The following FMNL2 variants were observed in gnomAD, a reference collection of about 807,000 sequenced individuals.
FMNL2 encodes the protein formin like 2.
A neutral mutation model predicts 130.2 loss-of-function variants in FMNL2; 51 were observed. The observed-to-expected ratio is 0.39, with a 90% CI of 0.31 to 0.49. The LOEUF (loss-of-function observed/expected upper bound fraction) is 0.49, where lower values mean the gene tolerates loss of function less well. Ranked by LOEUF, FMNL2 falls within the 20% of genes least tolerant of loss-of-function variation. The probability of loss-of-function intolerance (pLI) is 0.85; values close to 1 mark genes in which losing one functional copy is unlikely to be tolerated. For synonymous variants in FMNL2, 465 were observed against 467.1 expected, an observed-to-expected ratio of 1.00 and a Z score of 0.06; for missense variants, 977 against 1,316.2, an observed-to-expected ratio of 0.74 and a Z score of 3.99.
intron 1 of FMNL2, among the ~76,000 whole-genome samples, chr2:152,469,968 A>T (rs1689767148): frequency 6.6e-6 from 1 of 152,174 alleles, no homozygotes; most frequent in Non-Finnish European, 1.5e-5. Flanking sequence ...CACTGCATTT[A>T]TTAATGAGGG....
chr2:152,639,513 G>A (rs1224775211), intron 23 of FMNL2, among the ~76,000 whole-genome samples: 1 of 152,192 alleles, frequency 6.6e-6, no homozygotes, highest in African/African-American at 2.4e-5. Context: ...GTCCAAGAGT[G>A]TCACTCTGGT....
At chr2:152,480,712 T>A (rs1051756523) in intron 1 of FMNL2, among the ~76,000 whole-genome samples, 5 of 146,458 alleles carry the variant, frequency 3.4e-5, no homozygotes, top group Non-Finnish European at 7.5e-5. Flanking sequence ...ACTTTGGGGA[T>A]AATGCCCATC....
chr2:152,504,262 T>TC (rs1446950581), intron 1 of FMNL2, among the ~76,000 whole-genome samples: 2 of 151,874 alleles, frequency 1.3e-5, no homozygotes, highest in Non-Finnish European at 1.5e-5. Context: ...GGGAGGCTTT[T>TC]TTTTTTTTCT....
chr2:152,358,960 G>T (rs890188417), intron 1 of FMNL2, among the ~76,000 whole-genome samples: 5 of 150,690 alleles, frequency 3.3e-5, no homozygotes, highest in African/African-American at 7.4e-5. Flanking sequence ...CCTTGATGAA[G>T]TTGGTGTTAG....
In FMNL2 at chr2:152,581,060, C is replaced by T; in HGVS notation, c.876+11C>T. ...GATAACTTTAAAGAGGTAGGCTACA[C>T]TATAGTTTTCATAAGAATACTCACA... On this transcript the variant is annotated intron_variant, in intron 9 of 25. Transcript: ENST00000288670. 1 of 1,608,456 alleles carries T rather than the reference C, an allele frequency of 6.2e-7. No homozygotes were observed. Among genetic ancestry groups the T allele is most frequent in the Non-Finnish European group, 8.5e-7 (1 of 1,176,210 alleles).
At chr2:152,443,512 G>A (rs1352157834) in intron 1 of FMNL2, among the ~76,000 whole-genome samples, 2 of 152,136 alleles carry the variant, frequency 1.3e-5, no homozygotes, top group Non-Finnish European at 2.9e-5. Context: ...AGTGTACAGT[G>A]CTATTGTGGA....
intron 1 of FMNL2, among the ~76,000 whole-genome samples, chr2:152,356,054 T>G (rs1484328835): frequency 6.6e-6 from 1 of 152,256 alleles, no homozygotes; most frequent in Non-Finnish European, 1.5e-5. Flanking sequence ...AATGGCACTA[T>G]AATCCATATG....
chr2:152,635,078 GAGA>G (rs1052677110), intron 21 of FMNL2, among the ~76,000 whole-genome samples: 1 of 152,106 alleles, frequency 6.6e-6, no homozygotes, highest in African/African-American at 2.4e-5. Context: ...TGTAGAAGAG[GAGA>G]AGATGACACT....
intron 1 of FMNL2, among the ~76,000 whole-genome samples, chr2:152,336,281 C>G (rs959277203): frequency 1.2e-4 from 18 of 152,046 alleles, no homozygotes; most frequent in African/African-American, 4.3e-4. Context: ...GGGGAGCTTC[C>G]CCGAAAGGGA....
intron 6 of FMNL2, among the ~76,000 whole-genome samples, chr2:152,561,661 C>T (rs1470842528): frequency 6.6e-6 from 1 of 151,794 alleles, no homozygotes; most frequent in Non-Finnish European, 1.5e-5. Context: ...GCACCCTCCA[C>T]CTCCCAGGCT....
At chr2:152,358,267 T>C (rs1284594750) in intron 1 of FMNL2, among the ~76,000 whole-genome samples, 1 of 152,158 alleles carries the variant, frequency 6.6e-6, no homozygotes, top group East Asian at 1.9e-4. Context: ...TTCCCTACTT[T>C]AGAGGTTTTG....
chr2:152,378,767 G>T (rs1388961776), intron 1 of FMNL2, among the ~76,000 whole-genome samples: 1 of 152,062 alleles, frequency 6.6e-6, no homozygotes, highest in Non-Finnish European at 1.5e-5. Flanking sequence ...AGTGTGAAAT[G>T]CTGTGTAGAC....
chr2:152,633,934 CAT>C (rs1281140226), intron 21 of FMNL2, among the ~76,000 whole-genome samples: 3 of 152,166 alleles, frequency 2.0e-5, no homozygotes, highest in African/African-American at 4.8e-5. Context: ...TTCCTTCACT[CAT>C]GTGTTCACTC....
intron 1 of FMNL2, among the ~76,000 whole-genome samples, chr2:152,517,565 G>C (rs999480727): frequency 1.3e-5 from 2 of 152,116 alleles, no homozygotes; most frequent in Non-Finnish European, 2.9e-5. Context: ...TGGAGTAGTG[G>C]GGGGAAGGTT....
intron 3 of FMNL2, among the ~76,000 whole-genome samples, chr2:152,545,728 T>C (rs1694593978): frequency 6.6e-6 from 1 of 152,184 alleles, no homozygotes; most frequent in Non-Finnish European, 1.5e-5. Flanking sequence ...TCATGGATCC[T>C]CTGTGGCTCC....
At chr2:152,370,021 G>A (rs956092368) in intron 1 of FMNL2, among the ~76,000 whole-genome samples, 1 of 152,160 alleles carries the variant, frequency 6.6e-6, no homozygotes, top group African/African-American at 2.4e-5. Flanking sequence ...GGCACTAAAA[G>A]TACAGGGATT....
chr2:152,540,670 A>G (rs1315501182), intron 2 of FMNL2, among the ~76,000 whole-genome samples: 2 of 125,138 alleles, frequency 1.6e-5, no homozygotes, highest in Non-Finnish European at 3.1e-5. Context: ...GAAGGGGAAT[A>G]TCACACTCTG....
At chr2:152,496,963 T>G (rs1471767852) in intron 1 of FMNL2, among the ~76,000 whole-genome samples, 2 of 152,106 alleles carry the variant, frequency 1.3e-5, no homozygotes, top group African/African-American at 4.8e-5. Flanking sequence ...TAAGAAGCTC[T>G]AGTTCGCCTT....
intron 1 of FMNL2, among the ~76,000 whole-genome samples, chr2:152,478,239 TATATATA>T (rs1690267972): frequency 2.7e-5 from 1 of 36,870 alleles, no homozygotes; most frequent in East Asian, 6.1e-4. Flanking sequence ...CATATATATA[TATATATA>T]TATATTTTTT....
Sources: allele counts gnomAD v4.1 joint callset (sites outside exome capture counted in the v4.1 genomes callset), GRCh38; gene constraint gnomAD v4.1.1; transcripts MANE v1.5; gene names NCBI Gene and HGNC (gene_info 2026-07-23, HGNC 2026-07-21).